The following CD101 variants were observed in gnomAD, a reference collection of about 807,000 sequenced individuals.
The protein encoded by CD101 is CD101 molecule.
A neutral mutation model predicts 98.2 loss-of-function variants in CD101; 76 were observed. That is an observed-to-expected ratio of 0.77 (90% confidence interval 0.64 to 0.94). CD101 has a LOEUF of 0.94. CD101 is among the 40% of genes least tolerant of loss of function. The pLI, the probability that CD101 is intolerant of heterozygous loss-of-function variation, is 0.00. For missense variants in CD101, 1,145 were observed against 1,218.8 expected (o/e 0.94, Z 0.90); for synonymous variants, 471 against 472.7 (o/e 1.00, Z 0.05).
rs377214649 is a variant in CD101, at chr1:117,006,758, A to G, written c.44-3092A>G. Among the ~76,000 whole-genome samples, 44 of 152,194 alleles carry G rather than the reference A, an allele frequency of 2.9e-4. No homozygotes were observed. Among genetic ancestry groups the G allele is most frequent in the African/African-American group, 1.1e-3 (44 of 41,528 alleles). The stretch of plus-strand genomic sequence containing the variant: ...TCTTCAAAATTTTTGAAGCACTTTT[A>G]TTATATGTTTTCCATAGAGAGGTGA... On this transcript the variant is annotated intron_variant, in intron 1 of 9. Coordinates refer to ENST00000682167, the MANE Select transcript of CD101 (RefSeq NM_001256106.3). The surrounding 1 kb of genome is among the most constrained non-coding windows in gnomAD (Gnocchi z 4.4).
intron 8 of CD101, chr1:117,026,868 T>G (rs1653967319): frequency 6.6e-6 from 1 of 152,074 alleles, no homozygotes; most frequent in Admixed American, 6.5e-5. Flanking sequence ...GTTTTGAGGG[T>G]AATTAATGTT....
In CD101 at chr1:117,022,706, T is replaced by C. The variant is rs1221510353; in HGVS notation, c.2428+723T>C. ...AGTTGATCTAATTTGGTGCTTGAAA[T>C]ACTATTTTCAAGGTAACGCTAAAAA... On this transcript the variant is annotated intron_variant, in intron 7 of 9. Coordinates refer to ENST00000682167, the MANE Select transcript of CD101 (RefSeq NM_001256106.3). The surrounding 1 kb of genome is among the most constrained non-coding windows in gnomAD (Gnocchi z 4.8). Among the ~76,000 whole-genome samples the C allele has an allele frequency of 1.3e-5, 2 of 152,180 alleles. No individual in the cohort carries two copies. Among genetic ancestry groups the C allele is most frequent in the Non-Finnish European group, 2.9e-5 (2 of 68,032 alleles).
chr1:117,010,151 T>A lies in CD101; in HGVS notation c.345T>A (p.Asp115Glu). The A allele has an allele frequency of 6.2e-7, 1 of 1,614,190 alleles. No individual in the cohort carries two copies. Among genetic ancestry groups the A allele is most frequent in the Non-Finnish European group, 8.5e-7 (1 of 1,180,038 alleles). ...ACATCTCAAAACTCCAGATGAAGGA[T>A]GCTGGCGAGTATGAGTGTCACACAC... ...LLHISKLQMK[D>E]AGEYECHTPN... The change falls in exon 2 of 10, where the codon GAT becomes GAA. Residue 115 changes from aspartate to glutamate, a missense_variant. By Grantham distance (45) the Asp-to-Glu change is conservative (BLOSUM62 2). Transcript: ENST00000682167. This position sits in a 1 kb window ranked among gnomAD's most constrained non-coding sequence, Gnocchi z 5.2.
rs746467329 is a variant in CD101, at chr1:117,021,620, A to G, written c.2065A>G (p.Ile689Val). 13 of 1,603,998 alleles carry G rather than the reference A, an allele frequency of 8.1e-6. No homozygotes were observed. The highest frequency in any genetic ancestry group is 1.3e-5 in the African/African-American group (1 of 74,330). The change falls in exon 7 of 10, where the codon ATC (isoleucine) becomes GTC (valine). Residue 689 changes from isoleucine (I) to valine (V), a missense_variant. Ile to Val is a conservative substitution (Grantham distance 29). Coordinates refer to ENST00000682167, the MANE Select transcript of CD101 (RefSeq NM_001256106.3). The surrounding 1 kb of genome is among the most constrained non-coding windows in gnomAD (Gnocchi z 4.7). ...AAGGAGTCAAGTCCAAGAGCTCTCC[A>G]TCAACTCCAACACTGATATAGAATG... ...NSRSQVQELS[I>V]NSNTDIECSI...
chr1:117,011,685 C>T lies in CD101; in HGVS notation c.560C>T (p.Thr187Ile), dbSNP rs763948875. The T allele has an allele frequency of 6.2e-7, 1 of 1,614,194 alleles. No homozygotes were observed. The highest frequency in any genetic ancestry group is 1.3e-5 in the African/African-American group (1 of 75,050). The change falls in exon 3 of 10, where the codon ACA becomes ATA. Residue 187 changes from threonine to isoleucine, a missense_variant. Coordinates refer to ENST00000682167, the MANE Select transcript of CD101 (RefSeq NM_001256106.3). ...CACCTCTCTGTCACCTGGTACCTAA[C>T]ACAGGATGGAGGAGGAAGCCAAGCC... is the stretch of plus-strand genomic sequence containing the variant. ...HTHLSVTWYL[T>I]QDGGGSQATE...
rs1653718568 is a variant in CD101 at position 117,023,714 on chromosome 1, G to A, written c.2428+1731G>A. ...TTACAGGCGTGAGCCACTGCGCCCA[G>A]CCCAGTTCTCTTAAAATACTGCAAG... is the stretch of plus-strand genomic sequence containing the variant. On this transcript the variant is annotated intron_variant, in intron 7 of 9. Coordinates refer to ENST00000682167, the MANE Select transcript of CD101 (RefSeq NM_001256106.3). This position sits in a 1 kb window ranked among gnomAD's most constrained non-coding sequence, Gnocchi z 4.4. Among the ~76,000 whole-genome samples the A allele has an allele frequency of 6.6e-6, 1 of 151,904 alleles. No homozygotes were observed. Among genetic ancestry groups the A allele is most frequent in the African/African-American group, 2.4e-5 (1 of 41,366 alleles).
chr1:117,004,874 G>C lies in CD101; in HGVS notation c.43+3014G>C, dbSNP rs139667624. Among the ~76,000 whole-genome samples, 4 of 151,974 alleles carry C rather than the reference G, an allele frequency of 2.6e-5. No individual in the cohort carries two copies. Among genetic ancestry groups the C allele is most frequent in the East Asian group, 1.9e-4 (1 of 5,158 alleles). ...AAAAGTACCATAAACTGGGGCGGGTGGGGGAGGGGGGCTTATAAACAACAG... is the reference window on the plus strand; with the variant it reads ...AAAAGTACCATAAACTGGGGCGGGTCGGGGAGGGGGGCTTATAAACAACAG... On this transcript the variant is annotated intron_variant, in intron 1 of 9. Coordinates refer to ENST00000682167, the MANE Select transcript of CD101 (RefSeq NM_001256106.3). The surrounding 1 kb of genome is among the most constrained non-coding windows in gnomAD (Gnocchi z 4.1).
At chr1:117,001,915 G>T in intron 1 of CD101, 55 bp downstream of exon 1, 1 of 1,518,384 alleles carries the variant, frequency 6.6e-7, no homozygotes, top group Non-Finnish European at 9.1e-7. Flanking sequence ...TCAACTCAGG[G>T]TGCTGAGTGA....
rs1557778900 is a variant in CD101 at position 117,029,204 on chromosome 1, AAAAGAAAGAAAAGAAAGAAAGAAAG to A, written c.2824+3312_2824+3336del. Among the ~76,000 whole-genome samples the A allele has an allele frequency of 5.8e-3, 342 of 58,788 alleles. 8 individuals are homozygous for A. Among genetic ancestry groups the A allele is most frequent in the Non-Finnish European group, 8.4e-3 (253 of 30,296 alleles). 38.6% of individuals were successfully genotyped at this position (58,788 alleles called of 152,430 possible). A position where few individuals can be genotyped will look rare whatever the true frequency, so the allele number is the denominator to read the frequency against. On this transcript the variant is annotated intron_variant, in intron 8 of 9. Coordinates refer to ENST00000682167, the MANE Select transcript of CD101 (RefSeq NM_001256106.3). The stretch of plus-strand genomic sequence containing the variant: ...GAAAGAAAGAAAGAAAGAAAGAAAG[AAAAGAAAGAAAAGAAAGAAAGAAAG>A]AAAGAAAGAAAGAAAGAAAGAAAGA...
rs1455104437 is a variant in CD101, at chr1:117,033,457, G to A, written c.2825-403G>A. 6.6e-6 allele frequency among the ~76,000 whole-genome samples: 1 copy of A among 151,818 alleles called. No individual in the cohort carries two copies. Among genetic ancestry groups the A allele is most frequent in the African/African-American group, 2.4e-5 (1 of 41,328 alleles). ...AAGAGTGTGTGCCTGTGTGTTGGAGGAGCAGCAGTGGGAATAACTCAGTTA... is the reference window on the plus strand; with the variant it reads ...AAGAGTGTGTGCCTGTGTGTTGGAGAAGCAGCAGTGGGAATAACTCAGTTA... On this transcript the variant is annotated intron_variant, in intron 8 of 9. Coordinates refer to ENST00000682167, the MANE Select transcript of CD101 (RefSeq NM_001256106.3). This position sits in a 1 kb window ranked among gnomAD's most constrained non-coding sequence, Gnocchi z 4.8.
In CD101 at chr1:117,025,712, C is replaced by T; in HGVS notation, c.2632C>T (p.Leu878Phe). ...DGLLEYGEEGLRRHLHCYRSS... is the reference protein window; with the variant it reads ...DGLLEYGEEGFRRHLHCYRSS... ...CTTGCTGGAGTATGGGGAAGAGGGGCTCAGGAGGCACCTGCACTGTTACCG... is the reference window on the plus strand; with the variant it reads ...CTTGCTGGAGTATGGGGAAGAGGGGTTCAGGAGGCACCTGCACTGTTACCG... Residue 878 changes from leucine (L) to phenylalanine (F), a missense_variant, in exon 8 of 10, where the codon CTC becomes TTC. Transcript: ENST00000682167. 6.2e-7 allele frequency: 1 copy of T among 1,614,156 alleles called. No homozygotes were observed. The highest frequency in any genetic ancestry group is 1.7e-5 in the Admixed American group (1 of 60,012).
chr1:117,017,104 A>G lies in CD101; in HGVS notation c.1243A>G (p.Met415Val), dbSNP rs2249265. ...LRKPAARSVVMSTKNKQQVVW... is the reference protein window; with the variant it reads ...LRKPAARSVVVSTKNKQQVVW... ...GTAACTCACAGCAAGAAGTGTGGTC[A>G]TGTCTACCAAGAACAAGCAGCAAGT... Residue 415 changes from methionine (M) to valine (V), a missense_variant, in exon 5 of 10, where the codon ATG becomes GTG. Transcript: ENST00000682167. 1,560,953 of 1,613,580 alleles carry G rather than the reference A, an allele frequency of 0.97. 755,645 individuals are homozygous for G. The highest frequency in any genetic ancestry group is 0.98 in the Non-Finnish European group (1,153,121 of 1,179,640).
rs201877801 is a variant in CD101 at position 117,001,807 on chromosome 1, T to C, written c.-11T>C. The C allele has an allele frequency of 4.2e-4, 684 of 1,613,996 alleles. No individual in the cohort carries two copies. Among genetic ancestry groups the C allele is most frequent in the Admixed American group, 6.8e-4 (41 of 60,024 alleles). ...ACACTATTGGGACGAAAAAGGACTGTGCTGGCCCAAATGGCAGGCATCTCA... is the reference window on the plus strand; with the variant it reads ...ACACTATTGGGACGAAAAAGGACTGCGCTGGCCCAAATGGCAGGCATCTCA... On this transcript the variant is annotated 5_prime_UTR_variant, in exon 1 of 10. Transcript: ENST00000682167.
chr1:117,007,357 CTT>C (rs952693113), intron 1 of CD101, among the ~76,000 whole-genome samples: 1 of 144,672 alleles, frequency 6.9e-6, no homozygotes. Flanking sequence ...TCCTAGTTTG[CTT>C]TTTTTTTTTT....
At position 117,010,006 on chromosome 1, in the gene CD101, C is replaced by G. The variant is rs1488770715; in HGVS notation, c.200C>G (p.Thr67Ser). The change falls in exon 2 of 10, where the codon ACC becomes AGC. Residue 67 changes from threonine (T) to serine (S), a missense_variant. Thr to Ser is a moderately conservative substitution (Grantham distance 58). Transcript: ENST00000682167. The surrounding 1 kb of genome is among the most constrained non-coding windows in gnomAD (Gnocchi z 5.2). ...QWSVYLPTNP[T>S]QEVQIISTKD... is the part of the protein sequence containing the mutation. ...TCTGTTTACCTGCCGACAAACCCGA[C>G]CCAGGAAGTCCAGATCATTAGCACC... The G allele has an allele frequency of 6.2e-7, 1 of 1,614,204 alleles. No homozygotes were observed. Among genetic ancestry groups the G allele is most frequent in the Non-Finnish European group, 8.5e-7 (1 of 1,180,040 alleles).
chr1:117,003,515 G>A (rs1044614287), intron 1 of CD101, among the ~76,000 whole-genome samples: 1 of 152,122 alleles, frequency 6.6e-6, no homozygotes, highest in Non-Finnish European at 1.5e-5. Context: ...TGTTTTTGTT[G>A]TTTGGTTAAG....
chr1:117,030,482 GAGAA>G (rs1213464773), intron 8 of CD101, among the ~76,000 whole-genome samples: 5 of 151,964 alleles, frequency 3.3e-5, no homozygotes, highest in Admixed American at 1.3e-4. Context: ...GAGAGAGAAA[GAGAA>G]AGAGAGAAAG....
Position 117,018,662 on chromosome 1 carries a change from A to G in CD101, c.2017+102A>G, listed in dbSNP as rs2101132635. The G allele has an allele frequency of 2.6e-6, 3 of 1,147,228 alleles. No homozygotes were observed. Among genetic ancestry groups the G allele is most frequent in the East Asian group, 2.5e-5 (1 of 39,650 alleles). The allele number at this position is 1,147,228 out of a possible 1,614,324, so 71.1% of individuals were successfully genotyped here. A position where few individuals can be genotyped will look rare whatever the true frequency, so the allele number is the denominator to read the frequency against. The stretch of plus-strand genomic sequence containing the variant: ...AATAAAACATAAAATACTTTCTCCC[A>G]TATTTGTTCTATCTAAGTAAGCACC... On this transcript the variant is annotated intron_variant, in intron 6 of 9. Transcript: ENST00000682167. The surrounding 1 kb of genome is among the most constrained non-coding windows in gnomAD (Gnocchi z 4.3).
At chr1:117,013,835 A>T in intron 4 of CD101, 43 bp downstream of exon 4, 2 of 1,552,218 alleles carry the variant, frequency 1.3e-6, no homozygotes, top group Non-Finnish European at 1.7e-6. Flanking sequence ...CTGCTTTCAG[A>T]TGCCCCCTTG....
Sources: allele counts gnomAD v4.1 joint callset (sites outside exome capture counted in the v4.1 genomes callset), GRCh38; gene constraint gnomAD v4.1.1; non-coding constraint Gnocchi (gnomAD v3.1); transcripts MANE v1.5; gene names NCBI Gene and HGNC (gene_info 2026-07-23, HGNC 2026-07-21).